MOK: variants seen among roughly 807,000 people sequenced by gnomAD.
MOK encodes MAPK/MAK/MRK overlapping kinase.
A neutral mutation model predicts 54.2 loss-of-function variants in MOK; 59 were observed. The ratio of observed to expected loss-of-function variants is 1.09; its 90% CI spans 0.88 to 1.35. The LOEUF (loss-of-function observed/expected upper bound fraction) is 1.35. MOK is among the 40% of genes most tolerant of loss of function. The probability of loss-of-function intolerance (pLI) is 0.00; values close to 1 mark genes in which losing one functional copy is unlikely to be tolerated. For synonymous variants in MOK, 210 were observed against 202.7 expected (o/e 1.04, Z -0.31); for missense variants, 517 against 526.2 (o/e 0.98, Z 0.17).
In MOK at chr14:102,236,826, G is replaced by A. The variant is rs557738386; in HGVS notation, c.591-3037C>T. ...CCCATCACAAACAAGCTCTGTTCAC[G>A]CCGTCTTCTTAGGCCAACACGTTCT... On this transcript the variant is annotated intron_variant, in intron 7 of 11. Coordinates refer to ENST00000361847, the MANE Select transcript of MOK (RefSeq NM_014226.3). The surrounding 1 kb of genome is among the most constrained non-coding windows in gnomAD (Gnocchi z 4.5). Among the ~76,000 whole-genome samples, 10 of 152,092 alleles carry A rather than the reference G, an allele frequency of 6.6e-5. No homozygotes were observed. In the South Asian group the frequency reaches 2.1e-3, roughly 32 times the overall value.
In MOK at chr14:102,263,954, G is replaced by A. The variant is rs1262083478; in HGVS notation, c.213-338C>T. The A allele has an allele frequency of 2.0e-5, 4 of 200,182 alleles. No homozygotes were observed. The East Asian group carries it at 4.6e-4, about 23-fold the overall frequency. 12.4% of individuals were successfully genotyped at this position (200,182 alleles called of 1,614,324 possible). On this transcript the variant is annotated intron_variant, in intron 3 of 11. Coordinates refer to ENST00000361847, the MANE Select transcript of MOK (RefSeq NM_014226.3). ...AAAGAGGCCAGGCGTGGTGGCTCAC[G>A]CCTGTAATCCCAACACTTTGGGAGC...
chr14:102,303,303 T>A (rs2072449130), intron 1 of MOK, among the ~76,000 whole-genome samples: 1 of 152,162 alleles, frequency 6.6e-6, no homozygotes, highest in Non-Finnish European at 1.5e-5. Context: ...CTCTCACATA[T>A]TCCTGGTAAA....
At chr14:102,223,345 A>G (rs968374309), downstream of MOK, 1 of 152,576 alleles carries the variant, frequency 6.6e-6, no homozygotes, top group Non-Finnish European at 1.5e-5. Flanking sequence ...TTCTGACGTA[A>G]TGTAATTCAG....
Position 102,298,427 on chromosome 14 carries a change from C to G in MOK, c.7+6535G>C, listed in dbSNP as rs538374395. 2.0e-5 allele frequency among the ~76,000 whole-genome samples: 3 copies of G among 152,164 alleles called. No individual in the cohort carries two copies. In the East Asian group the frequency reaches 5.8e-4, roughly 29 times the overall value. ...AAATACACCAATCAGCACTCTGTATCTAGCTCAAAGTTTGTAAACACACCA... is the reference window on the plus strand; with the variant it reads ...AAATACACCAATCAGCACTCTGTATGTAGCTCAAAGTTTGTAAACACACCA... On this transcript the variant is annotated intron_variant, in intron 1 of 11. Transcript: ENST00000361847.
the MOK span, among the ~76,000 whole-genome samples, chr14:102,215,625 C>T: frequency 4.0e-4 from 61 of 152,234 alleles, no homozygotes; most frequent in African/African-American, 1.4e-3. Flanking sequence ...TCCCCTTGCC[C>T]CCAGGTAGGC....
intron 4 of MOK, among the ~76,000 whole-genome samples, chr14:102,256,868 T>C (rs753748179): frequency 2.6e-5 from 4 of 152,182 alleles, no homozygotes; most frequent in Admixed American, 6.5e-5. Context: ...GCAGATGGCA[T>C]GAGCCCAGAG....
At position 102,240,122 on chromosome 14, in the gene MOK, C is replaced by T. The variant is rs1023930881; in HGVS notation, c.591-6333G>A. On this transcript the variant is annotated intron_variant, in intron 7 of 11. Coordinates refer to ENST00000361847, the MANE Select transcript of MOK (RefSeq NM_014226.3). The surrounding 1 kb of genome is among the most constrained non-coding windows in gnomAD (Gnocchi z 5.4). ...CTTCCACACTGAGCACCTTGTGATCCCCTAGCCCCTGCCCGCCAGAGAACA... is the reference window on the plus strand; with the variant it reads ...CTTCCACACTGAGCACCTTGTGATCTCCTAGCCCCTGCCCGCCAGAGAACA... 6.6e-6 allele frequency among the ~76,000 whole-genome samples: 1 copy of T among 151,178 alleles called. No homozygotes were observed. The highest frequency in any genetic ancestry group is 1.5e-5 in the Non-Finnish European group (1 of 67,532).
chr14:102,239,844 G>C (rs569336584), intron 7 of MOK, among the ~76,000 whole-genome samples: 15 of 152,242 alleles, frequency 9.9e-5, no homozygotes, highest in African/African-American at 3.6e-4. Flanking sequence ...CTCCAGCCTG[G>C]CGACAGGGCA....
intron 1 of MOK, among the ~76,000 whole-genome samples, chr14:102,284,287 T>G (rs1309597132): frequency 6.6e-6 from 1 of 151,940 alleles, no homozygotes; most frequent in Non-Finnish European, 1.5e-5. Flanking sequence ...ATTGGTCAGG[T>G]GGCAAAATGC....
intron 4 of MOK, among the ~76,000 whole-genome samples, chr14:102,260,878 T>C (rs2067332193): frequency 1.3e-5 from 2 of 152,026 alleles, no homozygotes; most frequent in African/African-American, 2.4e-5. Flanking sequence ...TCCCAGCACT[T>C]TGGGAGGCCG....
At chr14:102,300,310 C>G (rs1227051232) in intron 1 of MOK, among the ~76,000 whole-genome samples, 1 of 86,938 alleles carries the variant, frequency 1.2e-5, no homozygotes. Context: ...GGCAACAGGG[C>G]AAAACTCTAT....
At chr14:102,222,972 G>A, downstream of MOK, 6 of 1,538,934 alleles carry the variant, frequency 3.9e-6, no homozygotes, top group South Asian at 6.8e-5. This position sits in a 1 kb window ranked among gnomAD's most constrained non-coding sequence, Gnocchi z 4.4. Context: ...AGCCGTGCCA[G>A]CCGGCGGACC....
chr14:102,255,146 C>T (rs950220384), intron 4 of MOK, among the ~76,000 whole-genome samples: 7 of 152,018 alleles, frequency 4.6e-5, no homozygotes, highest in Admixed American at 1.3e-4. Context: ...GGTGAAGCCC[C>T]GTCTCTATAA....
intron 7 of MOK, among the ~76,000 whole-genome samples, chr14:102,241,709 T>C (rs1438624566): frequency 1.3e-5 from 2 of 152,178 alleles, no homozygotes; most frequent in African/African-American, 4.8e-5. Flanking sequence ...ACAACAGGAC[T>C]TAATTAACCT....
intron 4 of MOK, among the ~76,000 whole-genome samples, chr14:102,255,180 TGGCGGCAGGCGCCTTCA>T (rs1330615743): frequency 6.6e-6 from 1 of 152,028 alleles, no homozygotes; most frequent in Non-Finnish European, 1.5e-5. Flanking sequence ...TAGCCAGGCG[TGGCGGCAGGCGCCTTCA>T]ATCCCAGCTA....
At chr14:102,226,529 C>G, downstream of MOK, 1 of 686,758 alleles carries the variant, frequency 1.5e-6, no homozygotes, top group Admixed American at 2.0e-5. This position sits in a 1 kb window ranked among gnomAD's most constrained non-coding sequence, Gnocchi z 4.8. Context: ...GCCCCGGCAG[C>G]AGGGCAAGGT....
chr14:102,278,730 C>T (rs902987344), intron 2 of MOK: 3 of 456,074 alleles, frequency 6.6e-6, no homozygotes, highest in South Asian at 4.6e-5. Context: ...CTCCCAGGGC[C>T]GCAGTGAGGA....
intron 7 of MOK, among the ~76,000 whole-genome samples, chr14:102,239,971 G>A (rs1005188891): frequency 6.6e-6 from 1 of 152,164 alleles, no homozygotes; most frequent in Non-Finnish European, 1.5e-5. Flanking sequence ...AGGCCTCTGA[G>A]CCCAAGCCTG....
intron 1 of MOK, among the ~76,000 whole-genome samples, chr14:102,299,225 C>A (rs2071858882): frequency 6.6e-6 from 1 of 152,116 alleles, no homozygotes; most frequent in African/African-American, 2.4e-5. Flanking sequence ...TTTAAAAATT[C>A]TCTCTGGGCC....
Sources: gnomAD v4.1 joint callset for allele counts (sites outside exome capture counted in the v4.1 genomes callset) on GRCh38, gnomAD v4.1.1 for gene constraint, Gnocchi (gnomAD v3.1) non-coding constraint, MANE v1.5 for transcripts, NCBI Gene and HGNC (gene_info 2026-07-23, HGNC 2026-07-21) for gene names.